SELENOO: variants seen among roughly 807,000 people sequenced by gnomAD.
SELENOO encodes the protein protein adenylyltransferase SelO, mitochondrial.
Under a neutral mutation model 58.7 loss-of-function variants are expected in SELENOO, and 74 were observed. The ratio of observed to expected loss-of-function variants is 1.26; its 90% confidence interval spans 1.04 to 1.53. The LOEUF is 1.53. SELENOO is among the 40% of genes most tolerant of loss of function. The probability of loss-of-function intolerance (pLI) is 0.00; values close to 1 mark genes in which losing one functional copy is unlikely to be tolerated. For synonymous variants in SELENOO, 543 were observed against 453.2 expected, an observed-to-expected ratio of 1.20 and a Z score of -2.52; for missense variants, 1,149 against 970.0, an observed-to-expected ratio of 1.18 and a Z score of -2.45.
At chr22:50,215,935 T>C in intron 6 of SELENOO, 68 bp downstream of exon 6, 1 of 1,423,688 alleles carries the variant, frequency 7.0e-7, no homozygotes, top group African/African-American at 1.4e-5. Flanking sequence ...AAACAGAGGC[T>C]GGGGGAGAAG....
intron 1 of SELENOO, among the ~76,000 whole-genome samples, chr22:50,204,762 A>G (rs1347657887): frequency 1.3e-5 from 2 of 152,248 alleles, no homozygotes; most frequent in South Asian, 2.1e-4. Context: ...AAATCACCAC[A>G]TGATTCAGCA....
At chr22:50,213,276 G>C (rs973465297) in intron 5 of SELENOO, among the ~76,000 whole-genome samples, 3 of 152,124 alleles carry the variant, frequency 2.0e-5, no homozygotes, top group African/African-American at 7.2e-5. Context: ...GGCCAGGCTG[G>C]TCTCCAACAC....
chr22:50,210,921 C>T lies in SELENOO; in HGVS notation c.1351+10C>T, dbSNP rs1014345146. On this transcript the variant is annotated intron_variant, in intron 5 of 8. Coordinates refer to ENST00000380903, the MANE Select transcript of SELENOO (RefSeq NM_031454.2). Reference sequence around the variant, plus strand: ...ACCATGCATCTGACCGGTGAGTGACCCAGCCGTGCCCACAGCAAGGCGCCT... The same window carrying T: ...ACCATGCATCTGACCGGTGAGTGACTCAGCCGTGCCCACAGCAAGGCGCCT... 1.2e-6 allele frequency: 2 copies of T among 1,613,646 alleles called. No individual in the cohort carries two copies. The highest frequency in any genetic ancestry group is 3.3e-5 in the Admixed American group (2 of 59,994).
At chr22:50,211,381 C>T (rs539321757) in intron 5 of SELENOO, among the ~76,000 whole-genome samples, 2 of 152,232 alleles carry the variant, frequency 1.3e-5, no homozygotes, top group South Asian at 4.2e-4. Context: ...GGTAGGATTG[C>T]TGGGTCGTGT....
Position 50,210,179 on chromosome 22 carries a change from A to C in SELENOO, c.940-2A>C. The C allele has an allele frequency of 6.2e-7, 1 of 1,612,770 alleles. No individual in the cohort carries two copies. The highest frequency in any genetic ancestry group is 8.5e-7 in the Non-Finnish European group (1 of 1,179,644). On this transcript the variant is annotated splice_acceptor_variant, in intron 3 of 8. Transcript: ENST00000380903. LOFTEE classifies it high-confidence loss of function. ...GGGAGCAAGCACACTGTCCCACCCC[A>C]GGTGACGCGGCGCACGGCGCGGATG...
At chr22:50,215,155 G>A (rs992804477) in intron 5 of SELENOO, among the ~76,000 whole-genome samples, 6 of 152,174 alleles carry the variant, frequency 3.9e-5, no homozygotes, top group African/African-American at 7.2e-5. Context: ...GGGGAGGATC[G>A]CAGTGTCTGT....
At chr22:50,211,063 A>G (rs556833368) in intron 5 of SELENOO, 152 bp downstream of exon 5, 2 of 801,770 alleles carry the variant, frequency 2.5e-6, no homozygotes, top group Admixed American at 4.9e-5. Context: ...GTCTTTATGA[A>G]TTTGGTGAAT....
rs942335000 is a variant in SELENOO at position 50,216,639 on chromosome 22, G to A, written c.1503-52G>A. On this transcript the variant is annotated intron_variant, in intron 6 of 8. Coordinates refer to ENST00000380903, the MANE Select transcript of SELENOO (RefSeq NM_031454.2). ...GGGGCAGGCGGAGCAGCTGCCTGCA[G>A]GGCAGGGACACGGTCAGGGGCTACC... 4.7e-5 allele frequency: 71 copies of A among 1,500,522 alleles called. No individual in the cohort carries two copies. The East Asian group carries it at 1.6e-3, about 35-fold the overall frequency. 93.0% of individuals were successfully genotyped at this position (1,500,522 alleles called of 1,614,324 possible). A position where few individuals can be genotyped will look rare whatever the true frequency, so the allele number is the denominator to read the frequency against.
chr22:50,216,859 C>T lies in SELENOO; in HGVS notation c.1671C>T (p.Asp557=). Residue 557 remains aspartate (D), a synonymous_variant, in exon 7 of 9, where the codon GAC becomes GAT. Coordinates refer to ENST00000380903, the MANE Select transcript of SELENOO (RefSeq NM_031454.2). ...LQSRNQGHWA[D]WLQAYRARLD... is the part of the protein sequence containing the mutation. The stretch of plus-strand genomic sequence containing the variant: ...GCAGGAACCAGGGCCACTGGGCTGA[C>T]TGGCTACAGGCGTACAGGTGAGCCC... 6.2e-7 allele frequency: 1 copy of T among 1,607,966 alleles called. No individual in the cohort carries two copies. Among genetic ancestry groups the T allele is most frequent in the Non-Finnish European group, 8.5e-7 (1 of 1,179,894 alleles).
Position 50,208,552 on chromosome 22 carries a change from A to G in SELENOO, c.775A>G (p.Ile259Val). ...TCCCTCCAGGTTTGGATCCTTTGAG[A>G]TTTTTAAGTCTGCAGATGAGCACAC... ...STFIRFGSFE[I>V]FKSADEHTGR... is the part of the protein sequence containing the mutation. The change falls in exon 3 of 9, where the codon ATT becomes GTT. Residue 259 changes from isoleucine to valine, a missense_variant. Coordinates refer to ENST00000380903, the MANE Select transcript of SELENOO (RefSeq NM_031454.2). 6.2e-7 allele frequency: 1 copy of G among 1,612,712 alleles called. No homozygotes were observed. The highest frequency in any genetic ancestry group is 8.5e-7 in the Non-Finnish European group (1 of 1,179,460).
chr22:50,216,930 G>T, intron 7 of SELENOO, 42 bp from the exon 8 acceptor site: 6 of 1,602,988 alleles, frequency 3.7e-6, no homozygotes, highest in Non-Finnish European at 4.3e-6. Flanking sequence ...GCTGGAAAAA[G>T]TCCAGCCCGG....
In SELENOO at chr22:50,217,482, G is replaced by A; in HGVS notation, c.*113G>A. 7.7e-7 allele frequency: 1 copy of A among 1,297,996 alleles called. No homozygotes were observed. Among genetic ancestry groups the A allele is most frequent in the Non-Finnish European group, 1.1e-6 (1 of 941,506 alleles). 80.4% of individuals were successfully genotyped at this position (1,297,996 alleles called of 1,614,324 possible). On this transcript the variant is annotated 3_prime_UTR_variant, in exon 9 of 9. Transcript: ENST00000380903. ...ACTGGGGGATTCTGCCCTGGCCCAT[G>A]CACACCCGTCTTTCCATGATGGCAG...
rs1304249132 is a variant in SELENOO, at chr22:50,210,624, G to A, written c.1071-7G>A. ...GCAGGGCGTGGCTCTCTTGCCCCGTGTGGCAGGTACGACCCCGACCACGTG... is the reference window on the plus strand; with the variant it reads ...GCAGGGCGTGGCTCTCTTGCCCCGTATGGCAGGTACGACCCCGACCACGTG... On this transcript the variant is annotated splice_region_variant and splice_polypyrimidine_tract_variant and intron_variant, in intron 4 of 8. Transcript: ENST00000380903. 6.8e-6 allele frequency: 11 copies of A among 1,612,862 alleles called. No individual in the cohort carries two copies. The highest frequency in any genetic ancestry group is 2.2e-5 in the East Asian group (1 of 44,874).
rs568589998 is a variant in SELENOO, at chr22:50,217,264, A to C, written c.1905A>C (p.Thr635=). 6.2e-7 allele frequency: 1 copy of C among 1,612,050 alleles called. No individual in the cohort carries two copies. Among genetic ancestry groups the C allele is most frequent in the African/African-American group, 1.3e-5 (1 of 75,040 alleles). The change falls in exon 9 of 9, where the codon ACA becomes ACC. Residue 635 remains threonine, a synonymous_variant. Coordinates refer to ENST00000380903, the MANE Select transcript of SELENOO (RefSeq NM_031454.2). ...ACCACTGCGAGGCGGGGGCCGCCACAGACGCCGAGGCCACGGAAGCCGACG... is the reference window on the plus strand; with the variant it reads ...ACCACTGCGAGGCGGGGGCCGCCACCGACGCCGAGGCCACGGAAGCCGACG... ...TPYHCEAGAA[T]DAEATEADGA... is the part of the protein sequence containing the mutation.
Position 50,201,268 on chromosome 22 carries a change from C to T in SELENOO, c.232C>T (p.Pro78Ser), listed in dbSNP as rs1294819095. ...EGAPSAPRPV[P>S]GACFTRVQPT... ...CGCCCCGTCCGCGCCGCGGCCCGTGCCCGGGGCCTGCTTCACCCGCGTGCA... is the reference window on the plus strand; with the variant it reads ...CGCCCCGTCCGCGCCGCGGCCCGTGTCCGGGGCCTGCTTCACCCGCGTGCA... The change falls in exon 1 of 9, where the codon CCC becomes TCC. Residue 78 changes from proline to serine, a missense_variant. Transcript: ENST00000380903. The T allele has an allele frequency of 3.7e-6, 4 of 1,070,816 alleles. No homozygotes were observed. The highest frequency in any genetic ancestry group is 6.9e-5 in the East Asian group (1 of 14,550). 66.3% of individuals were successfully genotyped at this position (1,070,816 alleles called of 1,614,324 possible). A position where few individuals can be genotyped will look rare whatever the true frequency, so the allele number is the denominator to read the frequency against.
chr22:50,211,357 T>C (rs992315811), intron 5 of SELENOO, among the ~76,000 whole-genome samples: 1 of 152,112 alleles, frequency 6.6e-6, no homozygotes, highest in African/African-American at 2.4e-5. Flanking sequence ...TTCAGTTCCG[T>C]GGGGTGTACA....
chr22:50,215,635 T>G (rs867694308), intron 5 of SELENOO, 82 bp from the exon 6 acceptor site: 1,894 of 892,438 alleles, frequency 2.1e-3, no homozygotes, highest in African/African-American at 0.012. Context: ...GCCAGGGGGG[T>G]GGGGGGGGGG....
In SELENOO at chr22:50,208,662, C is replaced by G; in HGVS notation, c.885C>G (p.Ile295Met). The change falls in exon 3 of 9, where the codon ATC becomes ATG. Residue 295 changes from isoleucine to methionine, a missense_variant. Ile to Met is a conservative substitution (Grantham distance 10, BLOSUM62 1). Coordinates refer to ENST00000380903, the MANE Select transcript of SELENOO (RefSeq NM_031454.2). ...TCATCAGCTCCTTTTACCCCGAGAT[C>G]CAGGCTGCTCATGCCAGCGACAGCG... ...DYVISSFYPE[I>M]QAAHASDSVQ... 2 of 1,613,744 alleles carry G rather than the reference C, an allele frequency of 1.2e-6. No individual in the cohort carries two copies. Among genetic ancestry groups the G allele is most frequent in the Non-Finnish European group, 1.7e-6 (2 of 1,179,992 alleles).
chr22:50,211,363 G>A lies in SELENOO; in HGVS notation c.1351+452G>A, dbSNP rs768641427. Among the ~76,000 whole-genome samples, 7 of 152,194 alleles carry A rather than the reference G, an allele frequency of 4.6e-5. No homozygotes were observed. The South Asian group carries it at 1.2e-3, about 27-fold the overall frequency. On this transcript the variant is annotated intron_variant, in intron 5 of 8. Coordinates refer to ENST00000380903, the MANE Select transcript of SELENOO (RefSeq NM_031454.2). Reference sequence around the variant, plus strand: ...CTCCCTGCTTTCAGTTCCGTGGGGTGTACAGGTGGTAGGATTGCTGGGTCG... The same window carrying A: ...CTCCCTGCTTTCAGTTCCGTGGGGTATACAGGTGGTAGGATTGCTGGGTCG...
Sources: gnomAD v4.1 joint callset for allele counts (sites outside exome capture counted in the v4.1 genomes callset) on GRCh38, gnomAD v4.1.1 for gene constraint, MANE v1.5 for transcripts, NCBI Gene and HGNC (gene_info 2026-07-23, HGNC 2026-07-21) for gene names.